Variants in SMYD3 observed in about 807,000 individuals in gnomAD.
The protein encoded by SMYD3 is histone-lysine N-methyltransferase SMYD3.
In SMYD3, 36 loss-of-function variants were observed where a neutral mutation model predicts 57.7. That is an observed-to-expected ratio of 0.62 (90% CI 0.48 to 0.82). The LOEUF is 0.82. Ranked by LOEUF, SMYD3 falls within the 40% of genes least tolerant of loss-of-function variation. The pLI, the probability that SMYD3 is intolerant of heterozygous loss-of-function variation, is 0.00. For missense variants in SMYD3, 515 were observed against 538.8 expected, an observed-to-expected ratio of 0.96 and a Z score of 0.44; for synonymous variants, 211 against 195.0, an observed-to-expected ratio of 1.08 and a Z score of -0.68.
intron 5 of SMYD3, among the ~76,000 whole-genome samples, chr1:246,246,794 C>T (rs1409005451): frequency 6.6e-6 from 1 of 150,826 alleles, no homozygotes; most frequent in South Asian, 2.1e-4. Context: ...AAATCAAAAC[C>T]CAATTTGCCT....
intron 5 of SMYD3, among the ~76,000 whole-genome samples, chr1:246,143,780 A>T (rs908526023): frequency 6.6e-6 from 1 of 152,200 alleles, no homozygotes. Flanking sequence ...CCCAGCCTCT[A>T]TGCTTCTGGA....
At chr1:246,030,432 G>C (rs530584317) in intron 5 of SMYD3, among the ~76,000 whole-genome samples, 1 of 152,196 alleles carries the variant, frequency 6.6e-6, no homozygotes, top group South Asian at 2.1e-4. Context: ...AAGAATGGGA[G>C]GGAGGTTGTT....
intron 5 of SMYD3, among the ~76,000 whole-genome samples, chr1:246,170,799 TATC>T (rs1364813101): frequency 1.3e-5 from 2 of 152,238 alleles, no homozygotes; most frequent in Non-Finnish European, 2.9e-5. Context: ...TGCTCAGTCT[TATC>T]ATCTACAAAC....
chr1:246,373,170 G>C (rs1031782893), intron 1 of SMYD3, among the ~76,000 whole-genome samples: 3 of 151,994 alleles, frequency 2.0e-5, no homozygotes, highest in Admixed American at 6.5e-5. Flanking sequence ...ACGAATTGGG[G>C]TGATTTCCCC....
In SMYD3 at chr1:246,223,701, A is replaced by C. The variant is rs148202861; in HGVS notation, c.531+103500T>G. On this transcript the variant is annotated intron_variant, in intron 5 of 11. Transcript: ENST00000490107. Reference sequence around the variant, plus strand: ...TGAAGGGACACAAAGATTTGACCTAACCTTAGAGTCACTTTGTAGGACTAC... The same window carrying C: ...TGAAGGGACACAAAGATTTGACCTACCCTTAGAGTCACTTTGTAGGACTAC... Among the ~76,000 whole-genome samples the C allele has an allele frequency of 9.9e-5, 15 of 152,124 alleles. No individual in the cohort carries two copies. The East Asian group carries it at 2.9e-3, about 29-fold the overall frequency.
At chr1:245,981,485 C>T (rs1322460434) in intron 5 of SMYD3, among the ~76,000 whole-genome samples, 3 of 152,212 alleles carry the variant, frequency 2.0e-5, no homozygotes, top group Non-Finnish European at 4.4e-5. Flanking sequence ...TATACATTTA[C>T]ATTAGAAATG....
intron 10 of SMYD3, among the ~76,000 whole-genome samples, chr1:245,850,404 A>G (rs2050902699): frequency 6.6e-6 from 1 of 152,148 alleles, no homozygotes; most frequent in Non-Finnish European, 1.5e-5. Flanking sequence ...TTCTAAAGCT[A>G]TCCCAGGCTG....
At chr1:245,809,787 C>T (rs2048363224) in intron 10 of SMYD3, among the ~76,000 whole-genome samples, 1 of 152,182 alleles carries the variant, frequency 6.6e-6, no homozygotes, top group Non-Finnish European at 1.5e-5. Flanking sequence ...AGGGACAATT[C>T]CCTAGTGAGA....
intron 5 of SMYD3, among the ~76,000 whole-genome samples, chr1:246,242,266 G>T (rs150866915): frequency 0.013 from 1,954 of 152,188 alleles, 25 homozygotes; most frequent in Middle Eastern, 0.031. Context: ...CTTTAAATGT[G>T]TCCCAGAGAT....
intron 1 of SMYD3, among the ~76,000 whole-genome samples, chr1:246,445,831 GC>G (rs1558468995): frequency 1.3e-5 from 2 of 150,328 alleles, no homozygotes; most frequent in Non-Finnish European, 2.9e-5. Flanking sequence ...CCGGAGCTTT[GC>G]CTTTGAGTGG....
intron 4 of SMYD3, among the ~76,000 whole-genome samples, chr1:246,329,260 T>C (rs960422593): frequency 2.0e-5 from 3 of 152,106 alleles, no homozygotes; most frequent in Non-Finnish European, 2.9e-5. Context: ...CCTGAGGAAT[T>C]GCCACACTGA....
chr1:246,180,125 T>C (rs756806182), intron 5 of SMYD3, among the ~76,000 whole-genome samples: 1 of 150,528 alleles, frequency 6.6e-6, no homozygotes, highest in Non-Finnish European at 1.5e-5. Flanking sequence ...CTGGGCAATA[T>C]AGCAAGATCC....
At chr1:246,435,820 G>GAATTCATA in intron 1 of SMYD3, among the ~76,000 whole-genome samples, 1 of 151,798 alleles carries the variant, frequency 6.6e-6, no homozygotes, top group East Asian at 1.9e-4. Context: ...GAAGATACAA[G>GAATTCATA]GAAACTGGAC....
At chr1:246,436,986 A>G (rs866230028) in intron 1 of SMYD3, among the ~76,000 whole-genome samples, 4 of 136,490 alleles carry the variant, frequency 2.9e-5, no homozygotes, top group Middle Eastern at 4.0e-3. Context: ...TGCAACCTCC[A>G]CCTCCCGGGT....
chr1:245,909,996 T>A (rs1285584919), intron 8 of SMYD3, among the ~76,000 whole-genome samples: 1 of 152,120 alleles, frequency 6.6e-6, no homozygotes, highest in African/African-American at 2.4e-5. Context: ...TTAAAGGGCA[T>A]TCAAATTAGA....
intron 5 of SMYD3, among the ~76,000 whole-genome samples, chr1:245,956,361 C>T (rs2057840823): frequency 6.6e-6 from 1 of 152,214 alleles, no homozygotes; most frequent in Non-Finnish European, 1.5e-5. Context: ...GAGGCCAGCA[C>T]ATGCTCAGAT....
intron 10 of SMYD3, among the ~76,000 whole-genome samples, chr1:245,783,018 T>C (rs1317002): frequency 0.26 from 38,981 of 152,136 alleles, 5,725 homozygotes; most frequent in East Asian, 0.5. Flanking sequence ...GGCTGGCTTC[T>C]ACAGCAGACA....
intron 5 of SMYD3, among the ~76,000 whole-genome samples, chr1:246,100,666 C>T (rs948593561): frequency 2.0e-5 from 3 of 152,196 alleles, no homozygotes; most frequent in African/African-American, 4.8e-5. Flanking sequence ...GGCTCTGCCA[C>T]GTCCTCTTTC....
At chr1:245,856,755 C>T (rs539384641) in intron 10 of SMYD3, among the ~76,000 whole-genome samples, 6 of 152,174 alleles carry the variant, frequency 3.9e-5, no homozygotes, top group East Asian at 3.9e-4. Flanking sequence ...GCCTGAGTGT[C>T]GAAAGGGAGG....
Sources: gnomAD v4.1 joint callset for allele counts (sites outside exome capture counted in the v4.1 genomes callset) on GRCh38, gnomAD v4.1.1 for gene constraint, MANE v1.5 for transcripts, NCBI Gene and HGNC (gene_info 2026-07-23, HGNC 2026-07-21) for gene names.